GRIA1: variants seen among roughly 807,000 people sequenced by gnomAD.
GRIA1 encodes glutamate ionotropic receptor AMPA type subunit 1.
GRIA1 carries 31 observed loss-of-function variants against 99.2 expected under a neutral mutation model. The observed-to-expected ratio is 0.31, with a 90% confidence interval of 0.23 to 0.42. The LOEUF is 0.42. Ranked by LOEUF, GRIA1 falls within the 10% of genes least tolerant of loss-of-function variation. The probability of loss-of-function intolerance (pLI) is 1.00; values close to 1 mark genes in which losing one functional copy is unlikely to be tolerated. For synonymous variants in GRIA1, 438 were observed against 432.4 expected, an observed-to-expected ratio of 1.01 and a Z score of -0.16; for missense variants, 782 against 1,157.5, an observed-to-expected ratio of 0.68 and a Z score of 4.71.
chr5:153,510,008 C>T (rs893968874), intron 2 of GRIA1, among the ~76,000 whole-genome samples: 3 of 152,132 alleles, frequency 2.0e-5, no homozygotes, highest in Admixed American at 2.0e-4. Flanking sequence ...TCTCTTTGAT[C>T]TGAAAATGAC....
intron 2 of GRIA1, among the ~76,000 whole-genome samples, chr5:153,582,871 T>G (rs1242605971): frequency 6.6e-6 from 1 of 152,124 alleles, no homozygotes; most frequent in African/African-American, 2.4e-5. Flanking sequence ...CGATCACAGC[T>G]CACTATAGCC....
chr5:153,765,542 C>T (rs1305696949), intron 12 of GRIA1, among the ~76,000 whole-genome samples: 1 of 152,040 alleles, frequency 6.6e-6, no homozygotes, highest in Admixed American at 6.5e-5. Context: ...GACCTGTAAA[C>T]ATTTATAGAT....
At chr5:153,684,383 T>C (rs1379923180) in intron 7 of GRIA1, among the ~76,000 whole-genome samples, 2 of 152,196 alleles carry the variant, frequency 1.3e-5, no homozygotes, top group Admixed American at 6.5e-5. Flanking sequence ...TAGAACAACC[T>C]TAAGACATAG....
chr5:153,603,990 A>T (rs2149401440), intron 2 of GRIA1, among the ~76,000 whole-genome samples: 1 of 152,356 alleles, frequency 6.6e-6, no homozygotes, highest in Non-Finnish European at 1.5e-5. Flanking sequence ...ATATATATTT[A>T]CATACATTTA....
At chr5:153,582,801 T>C (rs1763156394) in intron 2 of GRIA1, among the ~76,000 whole-genome samples, 1 of 151,874 alleles carries the variant, frequency 6.6e-6, no homozygotes, top group African/African-American at 2.4e-5. Context: ...TTTTATTTGT[T>C]TGTTTATTTT....
At position 153,493,941 on chromosome 5, in the gene GRIA1, A is replaced by C; in HGVS notation, c.96A>C (p.Pro32=). ...PNNIQIGGLF[P]NQQSQEHAAF... ...CTTTTCTCATAGGGGGATTATTTCC[A>C]AACCAGCAGTCACAGGAACATGCTG... The change falls in exon 2 of 16, where the codon CCA becomes CCC. Residue 32 remains proline (P), a synonymous_variant. Coordinates refer to ENST00000285900, the MANE Select transcript of GRIA1 (RefSeq NM_000827.4). 3.1e-6 allele frequency: 5 copies of C among 1,614,080 alleles called. No homozygotes were observed. Among genetic ancestry groups the C allele is most frequent in the Non-Finnish European group, 4.2e-6 (5 of 1,179,942 alleles).
chr5:153,512,830 G>A (rs963214451), intron 2 of GRIA1, among the ~76,000 whole-genome samples: 2 of 152,144 alleles, frequency 1.3e-5, no homozygotes, highest in African/African-American at 4.8e-5. Flanking sequence ...CCCAAAATCC[G>A]TTTGTTAAAG....
intron 2 of GRIA1, among the ~76,000 whole-genome samples, chr5:153,580,370 C>T (rs1561660109): frequency 6.6e-6 from 1 of 152,164 alleles, no homozygotes; most frequent in Non-Finnish European, 1.5e-5. Flanking sequence ...AGTTCATTTA[C>T]CTTCTTTAAA....
chr5:153,722,398 C>T (rs1482856195), intron 11 of GRIA1, among the ~76,000 whole-genome samples: 1 of 152,146 alleles, frequency 6.6e-6, no homozygotes, highest in Non-Finnish European at 1.5e-5. Context: ...TTACCTACCT[C>T]AAAGTCATAA....
At chr5:153,729,275 C>T (rs1050054825) in intron 11 of GRIA1, among the ~76,000 whole-genome samples, 3 of 151,770 alleles carry the variant, frequency 2.0e-5, no homozygotes, top group African/African-American at 7.3e-5. Context: ...AGGAGATATA[C>T]CTAATGCTAA....
intron 14 of GRIA1, chr5:153,795,695 G>A (rs1439502259): frequency 1.6e-6 from 1 of 628,564 alleles, no homozygotes; most frequent in African/African-American, 1.9e-5. Context: ...AGAGAGCTGG[G>A]CCCCAGCAGG....
chr5:153,547,176 T>A (rs921440729), intron 2 of GRIA1, among the ~76,000 whole-genome samples: 2 of 131,590 alleles, frequency 1.5e-5, no homozygotes. Context: ...TTTTGTGTGA[T>A]TTTTTTTTTA....
chr5:153,732,447 A>G (rs1271089527), intron 11 of GRIA1, among the ~76,000 whole-genome samples: 1 of 152,046 alleles, frequency 6.6e-6, no homozygotes, highest in African/African-American at 2.4e-5. Flanking sequence ...TCTCATTCTG[A>G]TTTTGATTAG....
chr5:153,491,015 AG>A, intron 1 of GRIA1, 45 bp downstream of exon 1: 1 of 1,577,052 alleles, frequency 6.3e-7, no homozygotes, highest in African/African-American at 1.3e-5. Context: ...GGGTCTGGCC[AG>A]GGATTTTTTT....
chr5:153,677,879 G>C (rs1756701981), intron 7 of GRIA1, among the ~76,000 whole-genome samples: 2 of 152,180 alleles, frequency 1.3e-5, no homozygotes, highest in South Asian at 2.1e-4. Context: ...TGCTCTTGGG[G>C]CTCCTGTAGA....
At chr5:153,608,075 C>T (rs1462509924) in intron 2 of GRIA1, among the ~76,000 whole-genome samples, 1 of 152,110 alleles carries the variant, frequency 6.6e-6, no homozygotes, top group African/African-American at 2.4e-5. Flanking sequence ...TCTGTCAGCA[C>T]TTTAAAGATG....
At chr5:153,803,944 G>T (rs1170317002) in intron 15 of GRIA1, among the ~76,000 whole-genome samples, 1 of 152,138 alleles carries the variant, frequency 6.6e-6, no homozygotes, top group Non-Finnish European at 1.5e-5. Context: ...TACATGAGGA[G>T]CTGGGGGCCT....
At chr5:153,742,881 T>TTCTG (rs1761906995) in intron 11 of GRIA1, among the ~76,000 whole-genome samples, 1 of 152,246 alleles carries the variant, frequency 6.6e-6, no homozygotes, top group Admixed American at 6.5e-5. Context: ...CTAACCTTAA[T>TTCTG]TCTGTCTGAA....
At chr5:153,536,558 A>AT (rs1758593228) in intron 2 of GRIA1, among the ~76,000 whole-genome samples, 1 of 152,114 alleles carries the variant, frequency 6.6e-6, no homozygotes, top group African/African-American at 2.4e-5. Flanking sequence ...AGTGCAGTAC[A>AT]TTTCACATAA....
Sources: gnomAD v4.1 joint callset for allele counts (sites outside exome capture counted in the v4.1 genomes callset) on GRCh38, gnomAD v4.1.1 for gene constraint, MANE v1.5 for transcripts, NCBI Gene and HGNC (gene_info 2026-07-23, HGNC 2026-07-21) for gene names.